Variants in RPTOR observed in about 807,000 individuals in gnomAD.
The protein encoded by RPTOR is regulatory-associated protein of mTOR.
A neutral mutation model predicts 169.9 loss-of-function variants in RPTOR; 21 were observed. The observed-to-expected ratio is 0.12, with a 90% CI of 0.09 to 0.18. RPTOR has a LOEUF of 0.18. RPTOR is among the 10% of genes least tolerant of loss of function. The pLI is 1.00. For missense variants in RPTOR, 1,133 were observed against 1,855.9 expected (o/e 0.61, Z 7.16); for synonymous variants, 732 against 753.2 (o/e 0.97, Z 0.46).
intron 7 of RPTOR, among the ~76,000 whole-genome samples, chr17:80,797,496 A>C (rs1242593893): frequency 1.3e-5 from 2 of 152,198 alleles, no homozygotes; most frequent in African/African-American, 4.8e-5. Context: ...GTTACTTTTT[A>C]AATAAGTGAT....
intron 1 of RPTOR, among the ~76,000 whole-genome samples, chr17:80,577,913 G>A (rs550882464): frequency 1.5e-4 from 23 of 152,334 alleles, no homozygotes; most frequent in Middle Eastern, 3.4e-3. Context: ...AACATGTTTA[G>A]GTTATTTTAG....
rs2066659842 is a variant in RPTOR, at chr17:80,754,419, G to T, written c.830+234G>T. On this transcript the variant is annotated intron_variant, in intron 6 of 33. Transcript: ENST00000306801. This position sits in a 1 kb window ranked among gnomAD's most constrained non-coding sequence, Gnocchi z 4.2. ...CTGTTCGTGGGCAGCTCACTGCTTT[G>T]CGATTTCCAAGAACACCCTCTCCTT... Among the ~76,000 whole-genome samples, 1 of 152,168 alleles carries T rather than the reference G, an allele frequency of 6.6e-6. No homozygotes were observed.
intron 3 of RPTOR, among the ~76,000 whole-genome samples, chr17:80,650,776 C>G (rs2065633355): frequency 6.6e-6 from 1 of 152,156 alleles, no homozygotes; most frequent in Non-Finnish European, 1.5e-5. Flanking sequence ...AGGCCCCTCC[C>G]AGAACATTCT....
At chr17:80,663,931 A>G (rs1438286509) in intron 3 of RPTOR, among the ~76,000 whole-genome samples, 1 of 152,148 alleles carries the variant, frequency 6.6e-6, no homozygotes, top group Non-Finnish European at 1.5e-5. Context: ...TCATCTCACA[A>G]GGATCTGGGT....
At chr17:80,757,502 G>A (rs910256807) in intron 6 of RPTOR, among the ~76,000 whole-genome samples, 1 of 152,002 alleles carries the variant, frequency 6.6e-6, no homozygotes, top group African/African-American at 2.4e-5. Context: ...TTCTCCTTTC[G>A]CATTACTTTC....
chr17:80,815,714 A>G (rs1200334560), intron 7 of RPTOR, among the ~76,000 whole-genome samples: 1 of 152,254 alleles, frequency 6.6e-6, no homozygotes, highest in African/African-American at 2.4e-5. Context: ...TAATAAAAGA[A>G]AAAGAAAGTA....
chr17:80,901,458 C>T (rs1361611200), intron 20 of RPTOR, among the ~76,000 whole-genome samples: 2 of 152,004 alleles, frequency 1.3e-5, no homozygotes, highest in African/African-American at 2.4e-5. Flanking sequence ...GAAAGAGTTT[C>T]ACAATGAGCT....
chr17:80,561,251 GTATATATATATGTATATATATATATA>G (rs1183411587), intron 1 of RPTOR, among the ~76,000 whole-genome samples: 1 of 4,230 alleles, frequency 2.4e-4, no homozygotes, highest in African/African-American at 3.1e-4. Flanking sequence ...ATATATATAT[GTATATATATATGTATATATATATATA>G]TATATATATA....
chr17:80,545,682 A>T lies in RPTOR; in HGVS notation c.53A>T (p.Glu18Val). 1 of 1,613,820 alleles carries T rather than the reference A, an allele frequency of 6.2e-7. No homozygotes were observed. Among genetic ancestry groups the T allele is most frequent in the Non-Finnish European group, 8.5e-7 (1 of 1,179,882 alleles). Residue 18 changes from glutamate to valine, a missense_variant, in exon 1 of 34, where the codon GAG (glutamate) becomes GTG (valine). Glu to Val is a moderately radical substitution (Grantham distance 121, BLOSUM62 -2). Around this residue, in one of 9 missense-constraint regions of RPTOR, gnomAD observed 47 missense variants for 59.5 expected, o/e 0.79. Coordinates refer to ENST00000306801, the MANE Select transcript of RPTOR (RefSeq NM_020761.3). ...SPLLGLGEEDEADLTDWNLPL... is the reference protein window; with the variant it reads ...SPLLGLGEEDVADLTDWNLPL... ...CTTCTGGGCCTGGGGGAGGAAGATG[A>T]GGCTGATCTTACAGACTGGAACCTA...
chr17:80,870,260 T>G (rs1417154981), intron 13 of RPTOR, among the ~76,000 whole-genome samples: 3 of 152,126 alleles, frequency 2.0e-5, no homozygotes, highest in Non-Finnish European at 4.4e-5. Context: ...AAATCCAGAT[T>G]TGGAAATTCA....
intron 22 of RPTOR, 82 bp downstream of exon 22, chr17:80,922,909 C>T: frequency 1.7e-6 from 2 of 1,145,300 alleles, no homozygotes; most frequent in Non-Finnish European, 2.5e-6. Flanking sequence ...CCGGCCTCCC[C>T]ATCCTCCTCC....
intron 1 of RPTOR, among the ~76,000 whole-genome samples, chr17:80,623,535 TTTTC>T (rs771508640): frequency 1.3e-5 from 2 of 152,136 alleles, no homozygotes; most frequent in Non-Finnish European, 2.9e-5. Flanking sequence ...TCGTTTTCTT[TTTTC>T]TTTTTATTTT....
chr17:80,963,016 C>T lies in RPTOR; in HGVS notation c.3898C>T (p.Arg1300Trp), dbSNP rs1007443740. ...IKYYDGFMGQ[R>W]VGAISCLAFH... Reference sequence around the variant, plus strand: ...GTACTACGACGGCTTCATGGGCCAGCGGGTCGGCGCCATCAGCTGCCTGGC... The same window carrying T: ...GTACTACGACGGCTTCATGGGCCAGTGGGTCGGCGCCATCAGCTGCCTGGC... Residue 1300 changes from arginine to tryptophan, a missense_variant, in exon 33 of 34, where the codon CGG becomes TGG. By Grantham distance (101) the Arg-to-Trp change is moderately radical. Coordinates refer to ENST00000306801, the MANE Select transcript of RPTOR (RefSeq NM_020761.3). The T allele has an allele frequency of 2.6e-6, 4 of 1,516,084 alleles. No homozygotes were observed. The highest frequency in any genetic ancestry group is 3.6e-6 in the Non-Finnish European group (4 of 1,119,004). The allele number at this position is 1,516,084 out of a possible 1,614,324, so 93.9% of individuals were successfully genotyped here.
intron 28 of RPTOR, among the ~76,000 whole-genome samples, chr17:80,953,588 A>G (rs1349981965): frequency 1.3e-5 from 2 of 152,258 alleles, no homozygotes; most frequent in African/African-American, 4.8e-5. Context: ...GCAGGACAGC[A>G]CTGAGCCACT....
intron 4 of RPTOR, among the ~76,000 whole-genome samples, chr17:80,728,029 G>A (rs2066355154): frequency 6.6e-6 from 1 of 152,156 alleles, no homozygotes; most frequent in African/African-American, 2.4e-5. Context: ...ATGGGCGGAT[G>A]GATGGATGGA....
chr17:80,559,391 G>A (rs185893333), intron 1 of RPTOR, among the ~76,000 whole-genome samples: 1 of 152,250 alleles, frequency 6.6e-6, no homozygotes, highest in Admixed American at 6.5e-5. Flanking sequence ...TTGGGAGCAC[G>A]TCCTGACTTT....
At chr17:80,684,957 C>T (rs1014749303) in intron 3 of RPTOR, among the ~76,000 whole-genome samples, 14 of 152,112 alleles carry the variant, frequency 9.2e-5, no homozygotes, top group Non-Finnish European at 1.3e-4. Flanking sequence ...CAGATAATAC[C>T]GCATTGTATA....
intron 3 of RPTOR, among the ~76,000 whole-genome samples, chr17:80,671,623 A>G (rs554902727): frequency 2.0e-5 from 3 of 152,284 alleles, no homozygotes; most frequent in Admixed American, 1.3e-4. Context: ...TCCTTCAAAT[A>G]ATGGTAAGAG....
intron 3 of RPTOR, among the ~76,000 whole-genome samples, chr17:80,685,616 TATATATATA>T (rs2065935210): frequency 8.7e-5 from 2 of 22,884 alleles, no homozygotes. Flanking sequence ...TATATATATA[TATATATATA>T]TATTTTTTTT....
Sources: allele counts gnomAD v4.1 joint callset (sites outside exome capture counted in the v4.1 genomes callset), GRCh38; gene constraint gnomAD v4.1.1; regional missense constraint gnomAD v4.1.1; non-coding constraint Gnocchi (gnomAD v3.1); transcripts MANE v1.5; gene names NCBI Gene and HGNC (gene_info 2026-07-23, HGNC 2026-07-21).